The following NBEA variants were observed in gnomAD, a reference collection of about 807,000 sequenced individuals.
NBEA encodes neurobeachin.
In NBEA, 44 loss-of-function variants were observed where a neutral mutation model predicts 343.4. The observed-to-expected ratio is 0.13, with a 90% CI of 0.10 to 0.16. The LOEUF (loss-of-function observed/expected upper bound fraction) is 0.16. NBEA is among the 10% of genes least tolerant of loss of function. The pLI is 1.00. For missense variants in NBEA, 2,555 were observed against 3,631.3 expected (o/e 0.70, Z 7.62); for synonymous variants, 1,175 against 1,238.7 (o/e 0.95, Z 1.08).
intron 47 of NBEA, among the ~76,000 whole-genome samples, chr13:35,601,118 A>G (rs1427073745): frequency 6.6e-6 from 1 of 151,902 alleles, no homozygotes; most frequent in Non-Finnish European, 1.5e-5. Flanking sequence ...CAGAGGTTGT[A>G]GTGAGCCGAG....
intron 41 of NBEA, among the ~76,000 whole-genome samples, chr13:35,479,723 T>A (rs1029480029): frequency 5.3e-5 from 8 of 152,176 alleles, no homozygotes; most frequent in African/African-American, 1.2e-4. Context: ...AAAGTTTTTT[T>A]AAAAAACTCC....
intron 34 of NBEA, among the ~76,000 whole-genome samples, chr13:35,268,103 A>G (rs1594011175): frequency 6.6e-6 from 1 of 152,226 alleles, no homozygotes; most frequent in South Asian, 2.1e-4. Flanking sequence ...ACATTGAAAT[A>G]ACCTGGGTGT....
intron 20 of NBEA, among the ~76,000 whole-genome samples, 183 bp downstream of exon 20, chr13:35,156,389 T>C (rs896343770): frequency 6.6e-5 from 10 of 152,088 alleles, no homozygotes; most frequent in African/African-American, 2.4e-4. Flanking sequence ...TTATATTATT[T>C]TTATTTTGTT....
At chr13:35,474,007 T>G (rs1399657736) in intron 41 of NBEA, among the ~76,000 whole-genome samples, 1 of 152,180 alleles carries the variant, frequency 6.6e-6, no homozygotes, top group Non-Finnish European at 1.5e-5. Context: ...AGGAATTGTC[T>G]TACAAGTAAG....
At chr13:34,992,262 A>ATATATATATATTTT (rs1459023833) in intron 1 of NBEA, among the ~76,000 whole-genome samples, 1 of 114,366 alleles carries the variant, frequency 8.7e-6, no homozygotes, top group Non-Finnish European at 1.7e-5. Context: ...ATATATATAT[A>ATATATATATATTTT]TTTTTTTTTT....
intron 6 of NBEA, among the ~76,000 whole-genome samples, chr13:35,052,953 A>T (rs184877880): frequency 1.2e-4 from 19 of 152,156 alleles, no homozygotes; most frequent in African/African-American, 4.3e-4. Context: ...AAGCCATCTT[A>T]GACTCCCATC....
intron 34 of NBEA, among the ~76,000 whole-genome samples, chr13:35,255,103 ATG>A (rs1404162387): frequency 1.3e-5 from 2 of 152,208 alleles, no homozygotes; most frequent in Non-Finnish European, 2.9e-5. Flanking sequence ...AATCGACCTC[ATG>A]TTGCTTGGCT....
intron 30 of NBEA, among the ~76,000 whole-genome samples, chr13:35,189,177 C>A (rs1056506481): frequency 6.6e-6 from 1 of 152,056 alleles, no homozygotes; most frequent in Non-Finnish European, 1.5e-5. Flanking sequence ...CCTGTGCCTC[C>A]CAAAGTGCTG....
chr13:34,991,174 C>T (rs555770471), intron 1 of NBEA, among the ~76,000 whole-genome samples: 26 of 152,308 alleles, frequency 1.7e-4, no homozygotes, highest in Middle Eastern at 3.4e-3. Context: ...CTGTTCCAAC[C>T]TCTGCCCATT....
intron 2 of NBEA, among the ~76,000 whole-genome samples, chr13:35,044,603 G>GGT (rs3045194): frequency 0.29 from 41,310 of 142,334 alleles, 5,930 homozygotes; most frequent in East Asian, 0.36. Context: ...GCTGTGTTGT[G>GGT]GTGTGTGTGT....
chr13:35,251,634 G>A (rs1320321083), intron 34 of NBEA: 1 of 1,059,106 alleles, frequency 9.4e-7, no homozygotes, highest in Non-Finnish European at 1.2e-6. Flanking sequence ...CCAGATTTGA[G>A]GTGGAAAAGG....
At chr13:35,586,216 G>C (rs1398091104) in intron 46 of NBEA, among the ~76,000 whole-genome samples, 1 of 152,142 alleles carries the variant, frequency 6.6e-6, no homozygotes, top group Non-Finnish European at 1.5e-5. Context: ...GCTCTAGTTT[G>C]TAGGTCTTCC....
chr13:35,667,949 T>C (rs965995324), intron 57 of NBEA, among the ~76,000 whole-genome samples: 28 of 152,238 alleles, frequency 1.8e-4, no homozygotes, highest in Non-Finnish European at 1.5e-4. Flanking sequence ...TTGCCCTTCA[T>C]TCATGAATAA....
At chr13:35,308,576 G>GTATATATGTATATATGTA (rs1594158759) in intron 35 of NBEA, among the ~76,000 whole-genome samples, 2 of 118,430 alleles carry the variant, frequency 1.7e-5, no homozygotes, top group Non-Finnish European at 1.7e-5. Flanking sequence ...GTATATATAT[G>GTATATATGTATATATGTA]TATATATGTA....
At chr13:35,073,507 C>T (rs2063967875) in intron 10 of NBEA, among the ~76,000 whole-genome samples, 1 of 152,150 alleles carries the variant, frequency 6.6e-6, no homozygotes, top group South Asian at 2.1e-4. Flanking sequence ...AGCATTTTAT[C>T]TTCCACATAG....
intron 1 of NBEA, among the ~76,000 whole-genome samples, chr13:34,951,521 T>TG (rs890628728): frequency 6.6e-6 from 1 of 152,224 alleles, no homozygotes; most frequent in African/African-American, 2.4e-5. Context: ...TATTTTAGCT[T>TG]GGAGTACCTG....
chr13:35,017,229 A>G (rs1245461634), intron 1 of NBEA, among the ~76,000 whole-genome samples: 3 of 152,188 alleles, frequency 2.0e-5, no homozygotes, highest in East Asian at 1.9e-4. Flanking sequence ...TTAAGCAGGA[A>G]TCTGTTGTTT....
intron 38 of NBEA, among the ~76,000 whole-genome samples, chr13:35,362,931 G>A (rs2040893991): frequency 6.6e-6 from 1 of 151,916 alleles, no homozygotes; most frequent in South Asian, 2.1e-4. Flanking sequence ...CAATGACTAG[G>A]TGGAACTGTA....
At chr13:35,186,755 CTT>C (rs2071737079) in intron 30 of NBEA, 1 of 152,192 alleles carries the variant, frequency 6.6e-6, no homozygotes, top group African/African-American at 2.4e-5. Flanking sequence ...GAGGATCACT[CTT>C]TACCTAAAAT....
Sources: gnomAD v4.1 joint callset for allele counts (sites outside exome capture counted in the v4.1 genomes callset) on GRCh38, gnomAD v4.1.1 for gene constraint, MANE v1.5 for transcripts, NCBI Gene and HGNC (gene_info 2026-07-23, HGNC 2026-07-21) for gene names.